BFSP2: variants seen among roughly 807,000 people sequenced by gnomAD.
The protein encoded by BFSP2 is phakinin.
BFSP2 carries 38 observed loss-of-function variants against 44.9 expected under a neutral mutation model. The ratio of observed to expected loss-of-function variants is 0.85; its 90% confidence interval spans 0.65 to 1.11. BFSP2 has a LOEUF of 1.11. Ranked by LOEUF, BFSP2 falls within the 50% of genes least tolerant of loss-of-function variation. The pLI is 0.00. For missense variants in BFSP2, 525 were observed against 533.0 expected (o/e 0.99, Z 0.15); for synonymous variants, 197 against 209.9 (o/e 0.94, Z 0.53).
intron 1 of BFSP2, among the ~76,000 whole-genome samples, chr3:133,425,784 G>GAA (rs1490435965): frequency 7.6e-5 from 1 of 13,208 alleles, no homozygotes; most frequent in African/African-American, 1.7e-4. Flanking sequence ...AAAGGGAAAG[G>GAA]GAAGGGAAGG....
chr3:133,421,572 G>A (rs558919474), intron 1 of BFSP2, among the ~76,000 whole-genome samples: 1 of 152,008 alleles, frequency 6.6e-6, no homozygotes, highest in Admixed American at 6.5e-5. Flanking sequence ...GATGACATCT[G>A]TAAAGATCTT....
intron 1 of BFSP2, among the ~76,000 whole-genome samples, chr3:133,420,648 G>A (rs1164588138): frequency 1.3e-5 from 2 of 152,340 alleles, no homozygotes; most frequent in East Asian, 1.9e-4. Context: ...GGCATCCTCA[G>A]CCTCCTCCTC....
chr3:133,435,938 T>C (rs928444486), intron 1 of BFSP2, among the ~76,000 whole-genome samples: 14 of 152,238 alleles, frequency 9.2e-5, no homozygotes, highest in Admixed American at 9.2e-4. Context: ...TAATTTTTTC[T>C]GAATTCATGT....
At chr3:133,461,525 C>A (rs1168177821) in intron 4 of BFSP2, among the ~76,000 whole-genome samples, 1 of 152,118 alleles carries the variant, frequency 6.6e-6, no homozygotes, top group Non-Finnish European at 1.5e-5. Context: ...CCTTCCTATC[C>A]TCAGGGGCTA....
At chr3:133,434,965 G>A (rs944383297) in intron 1 of BFSP2, among the ~76,000 whole-genome samples, 1 of 152,222 alleles carries the variant, frequency 6.6e-6, no homozygotes, top group African/African-American at 2.4e-5. Flanking sequence ...AGCAATGATA[G>A]CAGCCATTTA....
At chr3:133,454,299 C>T (rs1205560901) in intron 4 of BFSP2, among the ~76,000 whole-genome samples, 1 of 152,182 alleles carries the variant, frequency 6.6e-6, no homozygotes, top group Non-Finnish European at 1.5e-5. Context: ...CCACTCTACT[C>T]CAGCCTGGGC....
intron 1 of BFSP2, among the ~76,000 whole-genome samples, chr3:133,444,810 C>A (rs905696817): frequency 1.3e-5 from 2 of 152,056 alleles, no homozygotes; most frequent in African/African-American, 4.8e-5. Flanking sequence ...ATAAAATGGG[C>A]TCCCTGGACC....
intron 5 of BFSP2, 153 bp from the exon 6 acceptor site, chr3:133,472,192 A>G (rs1284342082): frequency 1.8e-5 from 15 of 818,730 alleles, no homozygotes; most frequent in Non-Finnish European, 4.0e-6. Context: ...AGCCACTAAG[A>G]ATAACCCCCA....
chr3:133,404,250 G>T (rs947412255), intron 1 of BFSP2, among the ~76,000 whole-genome samples: 3 of 152,176 alleles, frequency 2.0e-5, no homozygotes, highest in Non-Finnish European at 4.4e-5. Context: ...GTGAAGTCTT[G>T]TGGGACAATG....
At chr3:133,467,704 T>C (rs2074125148) in intron 5 of BFSP2, among the ~76,000 whole-genome samples, 1 of 152,170 alleles carries the variant, frequency 6.6e-6, no homozygotes, top group Non-Finnish European at 1.5e-5. Context: ...GAAGTTCTAT[T>C]TGGGTATTAA....
intron 1 of BFSP2, chr3:133,410,650 T>C: frequency 3.4e-6 from 1 of 292,848 alleles, no homozygotes; most frequent in Non-Finnish European, 6.8e-6. Flanking sequence ...AGTTCAATGT[T>C]ACAGAAACCT....
At chr3:133,426,024 G>GGGAAAGAAAGGGAAGGAAAAGGAAGGA (rs751521090) in intron 1 of BFSP2, among the ~76,000 whole-genome samples, 1 of 29,284 alleles carries the variant, frequency 3.4e-5, no homozygotes, top group Non-Finnish European at 7.2e-5. Context: ...GAAGGGAAGG[G>GGGAAAGAAAGGGAAGGAAAAGGAAGGA]AAGGGAAGGG....
intron 4 of BFSP2, chr3:133,455,372 A>T (rs961447140): frequency 3.9e-5 from 6 of 152,206 alleles, no homozygotes; most frequent in Non-Finnish European, 5.9e-5. Context: ...GGTTCTTGGC[A>T]TCGTTCAATT....
chr3:133,401,895 C>T (rs1198695361), intron 1 of BFSP2, among the ~76,000 whole-genome samples: 1 of 152,158 alleles, frequency 6.6e-6, no homozygotes, highest in Non-Finnish European at 1.5e-5. Flanking sequence ...TCCTGCACTG[C>T]TGTCAGTGCC....
chr3:133,426,034 G>A (rs752200486), intron 1 of BFSP2, among the ~76,000 whole-genome samples: 14 of 83,316 alleles, frequency 1.7e-4, no homozygotes, highest in Non-Finnish European at 5.3e-5. Flanking sequence ...GAAGGGAAGG[G>A]AAGGGAAAAA....
At chr3:133,414,038 C>CT (rs552711632) in intron 1 of BFSP2, among the ~76,000 whole-genome samples, 434 of 143,438 alleles carry the variant, frequency 3.0e-3, no homozygotes, top group Non-Finnish European at 5.1e-3. Flanking sequence ...CCCCTGCCCT[C>CT]TCTCCCCTAC....
At chr3:133,433,780 C>G (rs545512581) in intron 1 of BFSP2, among the ~76,000 whole-genome samples, 1 of 152,312 alleles carries the variant, frequency 6.6e-6, no homozygotes, top group Non-Finnish European at 1.5e-5. Context: ...ACACACCTCA[C>G]CAAGCTCAGC....
In BFSP2 at chr3:133,456,548, A is replaced by T. The variant is rs145166797; in HGVS notation, c.891+6084A>T. On this transcript the variant is annotated intron_variant, in intron 4 of 6. Transcript: ENST00000302334. ...GATCGCTTGAGCCCAGGAGTTCAAG[A>T]CCAGCCTAAACAACATGGCAAAACC... Among the ~76,000 whole-genome samples, 1,058 of 152,242 alleles carry T rather than the reference A, an allele frequency of 6.9e-3. 10 individuals are homozygous for T. The highest frequency in any genetic ancestry group is 0.024 in the African/African-American group (996 of 41,532).
chr3:133,413,592 T>C (rs542023037), intron 1 of BFSP2, among the ~76,000 whole-genome samples: 5 of 152,228 alleles, frequency 3.3e-5, no homozygotes, highest in African/African-American at 1.2e-4. Context: ...GGACTCAATT[T>C]AGGCAAATAA....
Sources: gnomAD v4.1 joint callset for allele counts (sites outside exome capture counted in the v4.1 genomes callset) on GRCh38, gnomAD v4.1.1 for gene constraint, MANE v1.5 for transcripts, NCBI Gene and HGNC (gene_info 2026-07-23, HGNC 2026-07-21) for gene names.